Variants in AKT1 observed in about 807,000 individuals in gnomAD.
The protein encoded by AKT1 is AKT serine/threonine kinase 1, also known as RAC-alpha serine/threonine-protein kinase.
A neutral mutation model predicts 63.1 loss-of-function variants in AKT1; 21 were observed. The ratio of observed to expected loss-of-function variants is 0.33; its 90% CI spans 0.24 to 0.48. The LOEUF (loss-of-function observed/expected upper bound fraction) is 0.48, where lower values mean the gene tolerates loss of function less well. Among genes scored for constraint, AKT1 ranks in the 20% least tolerant of loss-of-function variants. AKT1 has a pLI of 0.99. For synonymous variants in AKT1, 257 were observed against 253.1 expected (o/e 1.02, Z -0.15); for missense variants, 382 against 666.0 (o/e 0.57, Z 4.69).
At chr14:104,779,624 C>A (rs114396289) in intron 4 of AKT1, among the ~76,000 whole-genome samples, 56 of 135,652 alleles carry the variant, frequency 4.1e-4, no homozygotes, top group African/African-American at 2.1e-3. Flanking sequence ...GGCCCAGAGA[C>A]CCCCGCCCAG....
intron 3 of AKT1, among the ~76,000 whole-genome samples, chr14:104,788,363 G>C (rs1005492940): frequency 6.6e-6 from 1 of 152,172 alleles, no homozygotes; most frequent in African/African-American, 2.4e-5. Context: ...TCATCCTGGC[G>C]GGGTAATGAG....
At chr14:104,787,108 C>A (rs535209934) in intron 3 of AKT1, among the ~76,000 whole-genome samples, 1 of 152,178 alleles carries the variant, frequency 6.6e-6, no homozygotes. Flanking sequence ...CACCCCAAAG[C>A]CCGCAACATT....
rs538817018 is a variant in AKT1, at chr14:104,778,765, G to A, written c.175+1323C>T. Among the ~76,000 whole-genome samples the A allele has an allele frequency of 2.4e-4, 37 of 152,352 alleles. No homozygotes were observed. In the South Asian group the frequency reaches 7.7e-3, roughly 32 times the overall value. ...CCCTGGACCAGAACCTGGGGGTCCA[G>A]CAAGTTCAAGGGAGTCGGAGGACCG... is the stretch of plus-strand genomic sequence containing the variant. On this transcript the variant is annotated intron_variant, in intron 4 of 14. Transcript: ENST00000649815.
At chr14:104,791,921 T>C (rs1893650262) in intron 3 of AKT1, among the ~76,000 whole-genome samples, 2 of 152,104 alleles carry the variant, frequency 1.3e-5, no homozygotes, top group Non-Finnish European at 2.9e-5. Context: ...CCACCCAGAC[T>C]CCACCGCACC....
chr14:104,794,211 CCG>C (rs1197933623), intron 1 of AKT1: 1 of 152,312 alleles, frequency 6.6e-6, no homozygotes, highest in East Asian at 1.9e-4. Context: ...GGGCTCCGAG[CCG>C]CGCACGCCTC....
chr14:104,771,547 G>C (rs766763375), intron 13 of AKT1: 1 of 232,346 alleles, frequency 4.3e-6, no homozygotes, highest in African/African-American at 2.2e-5. Flanking sequence ...TTGGAGGGCA[G>C]GGCAGGAGGG....
At chr14:104,781,784 C>A (rs74090024) in intron 3 of AKT1, among the ~76,000 whole-genome samples, 1 of 152,180 alleles carries the variant, frequency 6.6e-6, no homozygotes, top group African/African-American at 2.4e-5. Flanking sequence ...CTGGGGTGGA[C>A]CAGGAAGGGG....
At chr14:104,787,276 C>T (rs990708885) in intron 3 of AKT1, among the ~76,000 whole-genome samples, 10 of 152,154 alleles carry the variant, frequency 6.6e-5, no homozygotes, top group African/African-American at 1.7e-4. Context: ...GCCTAGGGTT[C>T]GCCTAACAGC....
Position 104,795,656 on chromosome 14 carries a change from C to G in AKT1, c.-430G>C, listed in dbSNP as rs1210880969. ...TGCCGCCGCCGCTCGGTGCCCGGTG[C>G]CCAGCGCTCGGTGCTCGGCCGCCTG... is the stretch of plus-strand genomic sequence containing the variant. On this transcript the variant is annotated 5_prime_UTR_variant, in exon 1 of 15. Transcript: ENST00000649815. The surrounding 1 kb of genome is among the most constrained non-coding windows in gnomAD (Gnocchi z 5.1). The G allele has an allele frequency of 7.2e-6, 1 of 138,286 alleles. No homozygotes were observed. Among genetic ancestry groups the G allele is most frequent in the Non-Finnish European group, 1.6e-5 (1 of 62,950 alleles). 8.6% of individuals were successfully genotyped at this position (138,286 alleles called of 1,614,324 possible).
chr14:104,776,079 C>T lies in AKT1; in HGVS notation c.288-280G>A, dbSNP rs1460657665. The T allele has an allele frequency of 8.2e-5, 25 of 305,726 alleles. No homozygotes were observed. In the East Asian group the frequency reaches 1.4e-3, roughly 17 times the overall value. The allele number at this position is 305,726 out of a possible 1,614,324, so 18.9% of individuals were successfully genotyped here. On this transcript the variant is annotated intron_variant, in intron 5 of 14. Coordinates refer to ENST00000649815, the MANE Select transcript of AKT1 (RefSeq NM_001382430.1). ...AGGACTCCGCCCCCCAGCAGGACTC[C>T]GCCCCCCCCAAGCAGGACTCCGCCT...
chr14:104,773,442 C>T lies in AKT1; in HGVS notation c.828+13G>A, dbSNP rs746561686. 2 of 1,613,874 alleles carry T rather than the reference C, an allele frequency of 1.2e-6. No homozygotes were observed. Among genetic ancestry groups the T allele is most frequent in the Admixed American group, 3.3e-5 (2 of 59,986 alleles). On this transcript the variant is annotated intron_variant, in intron 10 of 14. Coordinates refer to ENST00000649815, the MANE Select transcript of AKT1 (RefSeq NM_001382430.1). Reference sequence around the variant, plus strand: ...CCCCAGGGCCCTGCCCCCCTGCCTGCCCGCCAGCGCACCTTGAGGTCCCGG... The same window carrying T: ...CCCCAGGGCCCTGCCCCCCTGCCTGTCCGCCAGCGCACCTTGAGGTCCCGG...
chr14:104,770,098 A>G lies in AKT1; in HGVS notation c.*243T>C. 1 of 582,796 alleles carries G rather than the reference A, an allele frequency of 1.7e-6. No homozygotes were observed. Among genetic ancestry groups the G allele is most frequent in the Non-Finnish European group, 3.1e-6 (1 of 324,618 alleles). The allele number at this position is 582,796 out of a possible 1,614,324, so 36.1% of individuals were successfully genotyped here. Reference sequence around the variant, plus strand: ...GTGAATCGGATTGTTCTGAGGGCTGAGGCCACACCCGGAGAACAAACTGGA... The same window carrying G: ...GTGAATCGGATTGTTCTGAGGGCTGGGGCCACACCCGGAGAACAAACTGGA... On this transcript the variant is annotated 3_prime_UTR_variant, in exon 15 of 15. Transcript: ENST00000649815.
At chr14:104,779,784 G>A (rs1317944876) in intron 4 of AKT1, among the ~76,000 whole-genome samples, 1 of 147,316 alleles carries the variant, frequency 6.8e-6, no homozygotes, top group Non-Finnish European at 1.5e-5. Context: ...TCAGCTCGGA[G>A]ACCCCTGCCC....
intron 3 of AKT1, among the ~76,000 whole-genome samples, chr14:104,787,305 C>A (rs1893383300): frequency 6.6e-6 from 1 of 152,166 alleles, no homozygotes; most frequent in African/African-American, 2.4e-5. Context: ...GGCCTGGAGC[C>A]CCAGGGCCCT....
chr14:104,792,991 C>G (rs1183957322), intron 2 of AKT1, 136 bp downstream of exon 2: 3 of 438,514 alleles, frequency 6.8e-6, no homozygotes, highest in African/African-American at 5.9e-5. Context: ...AGGCTTAGAG[C>G]CTCCAGCCCC....
chr14:104,791,302 G>A (rs936382172), intron 3 of AKT1, among the ~76,000 whole-genome samples: 1 of 152,026 alleles, frequency 6.6e-6, no homozygotes, highest in African/African-American at 2.4e-5. Context: ...GTGAGGAGAG[G>A]ACCTCCAGGC....
intron 13 of AKT1, 54 bp from the exon 14 acceptor site, chr14:104,770,901 C>T (rs1334109503): frequency 6.5e-7 from 1 of 1,529,832 alleles, no homozygotes; most frequent in Non-Finnish European, 9.0e-7. Flanking sequence ...ACTCCCAGCA[C>T]ACCCTCAAGT....
At chr14:104,776,798 G>A (rs777809953) in intron 4 of AKT1, 28 bp from the exon 5 acceptor site, 19 of 1,592,210 alleles carry the variant, frequency 1.2e-5, no homozygotes, top group Admixed American at 6.7e-5. Context: ...CTCTGTCTGC[G>A]TGCATCCCCC....
At chr14:104,775,603 A>ACAGTCCAAGG in intron 6 of AKT1, 49 bp downstream of exon 6, 1 of 1,594,116 alleles carries the variant, frequency 6.3e-7, no homozygotes, top group Non-Finnish European at 8.6e-7. Flanking sequence ...CCAGCCCTCC[A>ACAGTCCAAGG]CAGTCCAAGG....
Sources: gnomAD v4.1 joint callset for allele counts (sites outside exome capture counted in the v4.1 genomes callset) on GRCh38, gnomAD v4.1.1 for gene constraint, Gnocchi (gnomAD v3.1) non-coding constraint, MANE v1.5 for transcripts, NCBI Gene and HGNC (gene_info 2026-07-23, HGNC 2026-07-21) for gene names.